The following MAD1L1 variants were observed in gnomAD, a reference collection of about 807,000 sequenced individuals.
MAD1L1 encodes mitotic spindle assembly checkpoint protein MAD1.
Under a neutral mutation model 96.9 loss-of-function variants are expected in MAD1L1, and 95 were observed. The observed-to-expected ratio is 0.98, with a 90% CI of 0.83 to 1.16. MAD1L1 has a LOEUF of 1.16. MAD1L1 is among the 50% of genes most tolerant of loss of function. The pLI is 0.00. For missense variants in MAD1L1, 1,007 were observed against 954.4 expected (o/e 1.06, Z -0.73); for synonymous variants, 473 against 396.6 (o/e 1.19, Z -2.29).
At chr7:1,865,786 A>T (rs1583593955) in intron 18 of MAD1L1, among the ~76,000 whole-genome samples, 1 of 152,214 alleles carries the variant, frequency 6.6e-6, no homozygotes. Flanking sequence ...CTGCTACGGG[A>T]TCTACAGCGA....
chr7:1,911,143 C>T (rs1397795654), intron 17 of MAD1L1, among the ~76,000 whole-genome samples: 1 of 152,186 alleles, frequency 6.6e-6, no homozygotes, highest in Non-Finnish European at 1.5e-5. Flanking sequence ...ATCCCCCGCA[C>T]CCCTTGAGCC....
In MAD1L1 at chr7:1,899,968, A is replaced by T. The variant is rs930566330; in HGVS notation, c.1808-1578T>A. ...CTCCCTGACCTGTGACTCTGAACCT[A>T]CCCCTTCACCCCATCTCCCAGGACT... On this transcript the variant is annotated intron_variant, in intron 17 of 18. Coordinates refer to ENST00000265854, the MANE Select transcript of MAD1L1 (RefSeq NM_001013836.2). Among the ~76,000 whole-genome samples the T allele has an allele frequency of 2.0e-5, 3 of 152,080 alleles. No homozygotes were observed. The East Asian group carries it at 5.8e-4, about 29-fold the overall frequency.
intron 11 of MAD1L1, among the ~76,000 whole-genome samples, chr7:2,095,670 G>A (rs933891866): frequency 1.3e-5 from 2 of 152,218 alleles, no homozygotes; most frequent in Non-Finnish European, 2.9e-5. Context: ...TCCTCCCTGA[G>A]CCGCTGTCAT....
chr7:2,166,813 T>C (rs1486787596), intron 10 of MAD1L1, among the ~76,000 whole-genome samples: 3 of 152,180 alleles, frequency 2.0e-5, no homozygotes, highest in Admixed American at 6.5e-5. Context: ...TCCATCATCA[T>C]GCCAGGCGAA....
At chr7:1,866,910 T>C (rs1300501890) in intron 18 of MAD1L1, among the ~76,000 whole-genome samples, 1 of 152,160 alleles carries the variant, frequency 6.6e-6, no homozygotes, top group Non-Finnish European at 1.5e-5. Flanking sequence ...CTCACTGTGC[T>C]GGCCTGCTCT....
chr7:2,025,051 T>C (rs1444141821), intron 12 of MAD1L1, among the ~76,000 whole-genome samples: 1 of 152,246 alleles, frequency 6.6e-6, no homozygotes, highest in Admixed American at 6.5e-5. Flanking sequence ...AAAAATAATG[T>C]GTCAGTACTG....
intron 18 of MAD1L1, among the ~76,000 whole-genome samples, chr7:1,863,146 A>C (rs908243461): frequency 7.9e-5 from 12 of 152,264 alleles, no homozygotes; most frequent in African/African-American, 2.9e-4. Flanking sequence ...GGTGGCGTCC[A>C]GATCTGAGCG....
At position 1,898,269 on chromosome 7, in the gene MAD1L1, G is replaced by A. The variant is rs547231724; in HGVS notation, c.1929C>T (p.Ile643=). ...TCAGCCGGTACTGGTTCTCCGTGGT[G>A]ATGTCGATCTGGTAGCCGGTGAGCG... ...CYTLTGYQID[I]TTENQYRLTS... Residue 643 remains isoleucine, a synonymous_variant, in exon 18 of 19, where the codon ATC becomes ATT. Coordinates refer to ENST00000265854, the MANE Select transcript of MAD1L1 (RefSeq NM_001013836.2). 1.2e-5 allele frequency: 20 copies of A among 1,614,202 alleles called. No individual in the cohort carries two copies. The African/African-American group carries it at 2.1e-4, about 17-fold the overall frequency.
intron 12 of MAD1L1, among the ~76,000 whole-genome samples, chr7:2,057,624 C>T (rs1784437610): frequency 1.3e-5 from 2 of 151,982 alleles, no homozygotes; most frequent in South Asian, 2.1e-4. Context: ...GGCCAGTCCA[C>T]CTGTATTATA....
At chr7:2,017,565 C>G (rs1782597674) in intron 12 of MAD1L1, among the ~76,000 whole-genome samples, 1 of 152,130 alleles carries the variant, frequency 6.6e-6, no homozygotes, top group African/African-American at 2.4e-5. Context: ...GGCTGCTCAC[C>G]CAGGGAGGCT....
At chr7:2,051,742 TTCCACCCCCC>T (rs1784185848) in intron 12 of MAD1L1, among the ~76,000 whole-genome samples, 1 of 127,840 alleles carries the variant, frequency 7.8e-6, no homozygotes, top group Non-Finnish European at 1.6e-5. Context: ...TCACCTTGCT[TTCCACCCCCC>T]ACCACCCCCA....
chr7:1,998,260 T>A (rs1232667768), intron 14 of MAD1L1, among the ~76,000 whole-genome samples: 1 of 152,086 alleles, frequency 6.6e-6, no homozygotes, highest in Non-Finnish European at 1.5e-5. Context: ...AAAAGAGGAC[T>A]GGAGTGAGCA....
chr7:2,067,384 C>G (rs1467900859), intron 12 of MAD1L1, among the ~76,000 whole-genome samples: 1 of 152,130 alleles, frequency 6.6e-6, no homozygotes, highest in African/African-American at 2.4e-5. Flanking sequence ...AGAGAAAGGC[C>G]CAGCTCCCAG....
In MAD1L1 at chr7:2,069,253, G is replaced by A. The variant is rs374331335; in HGVS notation, c.1159C>T (p.Arg387Cys). The A allele has an allele frequency of 1.9e-5, 30 of 1,611,734 alleles. No individual in the cohort carries two copies. The highest frequency in any genetic ancestry group is 2.7e-5 in the African/African-American group (2 of 74,862). Residue 387 changes from arginine to cysteine, a missense_variant, in exon 12 of 19, where the codon CGC (arginine) becomes TGC (cysteine). Coordinates refer to ENST00000265854, the MANE Select transcript of MAD1L1 (RefSeq NM_001013836.2). ...CGGGCCAGCGCCTCGTGGGTCTCGCGCTTCTTCCTCTCCTCCAACAGCTGG... is the reference window on the plus strand; with the variant it reads ...CGGGCCAGCGCCTCGTGGGTCTCGCACTTCTTCCTCTCCTCCAACAGCTGG... ...SGQLLEERKK[R>C]ETHEALARRL...
intron 18 of MAD1L1, among the ~76,000 whole-genome samples, chr7:1,832,640 G>A (rs1213333621): frequency 6.6e-5 from 4 of 60,406 alleles, no homozygotes; most frequent in Non-Finnish European, 3.6e-5. Flanking sequence ...TGGCGGGGGG[G>A]GGGGGGGTGG....
At chr7:1,956,386 G>C (rs1779729413) in intron 16 of MAD1L1, among the ~76,000 whole-genome samples, 1 of 152,186 alleles carries the variant, frequency 6.6e-6, no homozygotes, top group Admixed American at 6.5e-5. Context: ...TCCGGGCACA[G>C]TTGTCCCTGT....
intron 18 of MAD1L1, among the ~76,000 whole-genome samples, chr7:1,825,240 C>T (rs1438078209): frequency 2.6e-5 from 4 of 152,246 alleles, no homozygotes; most frequent in East Asian, 1.9e-4. Flanking sequence ...AACCCTCGGG[C>T]GTCTTGCTCA....
intron 18 of MAD1L1, among the ~76,000 whole-genome samples, chr7:1,853,405 C>T (rs1228033357): frequency 9.2e-5 from 14 of 152,178 alleles, no homozygotes; most frequent in Admixed American, 7.8e-4. Context: ...AGGACGCACA[C>T]GGCAGCCCTG....
chr7:1,946,057 C>T lies in MAD1L1; in HGVS notation c.1597-9160G>A, dbSNP rs368830138. 7.9e-5 allele frequency among the ~76,000 whole-genome samples: 12 copies of T among 152,236 alleles called. No individual in the cohort carries two copies. The South Asian group carries it at 1.9e-3, about 24-fold the overall frequency. ...AGCCCCAGCCCAGAGGAAGGGCCAG[C>T]GGGTTGTACACTGGGGCCAGGAGGC... On this transcript the variant is annotated intron_variant, in intron 16 of 18. Transcript: ENST00000265854.
Sources: gnomAD v4.1 joint callset for allele counts (sites outside exome capture counted in the v4.1 genomes callset) on GRCh38, gnomAD v4.1.1 for gene constraint, MANE v1.5 for transcripts, NCBI Gene and HGNC (gene_info 2026-07-23, HGNC 2026-07-21) for gene names.